The following BMAL1 variants were observed in gnomAD, a reference collection of about 807,000 sequenced individuals.
The protein encoded by BMAL1 is basic helix-loop-helix ARNT-like protein 1.
the BMAL1 span, among the ~76,000 whole-genome samples, chr11:13,335,865 A>AT: frequency 6.6e-6 from 1 of 152,134 alleles, no homozygotes; most frequent in Non-Finnish European, 1.5e-5. Flanking sequence ...TCTTCTTTGT[A>AT]TTACAGTTAG....
chr11:13,338,119 C>A, the BMAL1 span, among the ~76,000 whole-genome samples: 4 of 151,960 alleles, frequency 2.6e-5, no homozygotes, highest in African/African-American at 9.7e-5. Flanking sequence ...CTGTTCAGAC[C>A]CACAGACACA....
the BMAL1 span, among the ~76,000 whole-genome samples, chr11:13,366,312 C>T: frequency 3.9e-5 from 6 of 152,054 alleles, no homozygotes; most frequent in Admixed American, 6.6e-5. Flanking sequence ...ATATGATATG[C>T]GTGACTTGCT....
chr11:13,342,738 C>A, the BMAL1 span, among the ~76,000 whole-genome samples: 1 of 152,190 alleles, frequency 6.6e-6, no homozygotes, highest in Non-Finnish European at 1.5e-5. Context: ...TAAATCCCTG[C>A]ACCCTCTGGA....
At chr11:13,347,709 T>C in the BMAL1 span, among the ~76,000 whole-genome samples, 1 of 151,754 alleles carries the variant, frequency 6.6e-6, no homozygotes, top group Non-Finnish European at 1.5e-5. Flanking sequence ...AAGCCAGACA[T>C]GGTAGTGGTG....
the BMAL1 span, among the ~76,000 whole-genome samples, chr11:13,339,141 G>A: frequency 2.0e-5 from 3 of 152,232 alleles, no homozygotes; most frequent in Non-Finnish European, 4.4e-5. Flanking sequence ...TGGACTGGGA[G>A]TCACCCCCAT....
chr11:13,320,675 TAGAG>T, the BMAL1 span, among the ~76,000 whole-genome samples: 1 of 152,198 alleles, frequency 6.6e-6, no homozygotes, highest in African/African-American at 2.4e-5. Flanking sequence ...CTTCCTGCTG[TAGAG>T]AGAAAGTTCG....
At chr11:13,321,370 A>G in the BMAL1 span, among the ~76,000 whole-genome samples, 1 of 152,208 alleles carries the variant, frequency 6.6e-6, no homozygotes, top group Non-Finnish European at 1.5e-5. Flanking sequence ...AGTCCCCAGA[A>G]TGTCAGAGCA....
the BMAL1 span, among the ~76,000 whole-genome samples, chr11:13,346,280 A>G: frequency 6.6e-6 from 1 of 152,098 alleles, no homozygotes; most frequent in Non-Finnish European, 1.5e-5. Context: ...GAACCTTCCC[A>G]CTGGGTGGGA....
chr11:13,305,223 C>A, the BMAL1 span, among the ~76,000 whole-genome samples: 79 of 152,244 alleles, frequency 5.2e-4, 1 homozygote, highest in Admixed American at 5.2e-3. Flanking sequence ...AGATGCTGGG[C>A]CCCCGCTAGG....
the BMAL1 span, among the ~76,000 whole-genome samples, chr11:13,347,831 C>T: frequency 6.6e-6 from 1 of 152,286 alleles, no homozygotes; most frequent in Admixed American, 6.5e-5. Context: ...GCCTGGGCGA[C>T]AGAGCAAGAC....
At chr11:13,325,007 G>C in the BMAL1 span, among the ~76,000 whole-genome samples, 1 of 152,358 alleles carries the variant, frequency 6.6e-6, no homozygotes, top group Non-Finnish European at 1.5e-5. Context: ...TGTTGTGCTA[G>C]AGCTGTGGGG....
chr11:13,381,149 C>CT, the BMAL1 span: 29 of 1,613,682 alleles, frequency 1.8e-5, no homozygotes, highest in Non-Finnish European at 2.3e-5. Flanking sequence ...GTGTAATTCT[C>CT]TTTTCTGACA....
the BMAL1 span, among the ~76,000 whole-genome samples, chr11:13,305,509 C>T: frequency 6.6e-6 from 1 of 151,620 alleles, no homozygotes; most frequent in Non-Finnish European, 1.5e-5. Flanking sequence ...TTGTTTATTC[C>T]CCAGGATTTT....
At chr11:13,386,963 CATT>C in the BMAL1 span, 3 of 472,578 alleles carry the variant, frequency 6.3e-6, no homozygotes, top group African/African-American at 4.0e-5. Context: ...GTTTCCTCAT[CATT>C]GATTATTGGG....
the BMAL1 span, chr11:13,354,201 C>CCCCCCCCCACCAAAA: frequency 1.6e-6 from 1 of 616,122 alleles, no homozygotes; most frequent in South Asian, 2.0e-5. Flanking sequence ...CCCCCCCCGG[C>CCCCCCCCCACCAAAA]CCCCCACCAC....
the BMAL1 span, among the ~76,000 whole-genome samples, chr11:13,309,209 G>T: frequency 6.6e-6 from 1 of 152,160 alleles, no homozygotes; most frequent in Non-Finnish European, 1.5e-5. Flanking sequence ...TCAGTAGATG[G>T]AGGTAATGTG....
the BMAL1 span, chr11:13,369,770 A>G: frequency 1.6e-5 from 26 of 1,608,064 alleles, no homozygotes; most frequent in East Asian, 5.8e-4. Flanking sequence ...GAAAAAAGGT[A>G]ACAATTTAAC....
the BMAL1 span, among the ~76,000 whole-genome samples, chr11:13,363,840 T>A: frequency 1.3e-4 from 20 of 152,132 alleles, no homozygotes; most frequent in Non-Finnish European, 2.8e-4. Flanking sequence ...TCTCACAGCT[T>A]CTGCTCCTTA....
At chr11:13,351,843 T>TG in the BMAL1 span, among the ~76,000 whole-genome samples, 1 of 152,098 alleles carries the variant, frequency 6.6e-6, no homozygotes, top group African/African-American at 2.4e-5. Context: ...ATGGGAATGA[T>TG]GGGGAGAGAA....
Sources: gnomAD v4.1 joint callset for allele counts (sites outside exome capture counted in the v4.1 genomes callset) on GRCh38, gnomAD v4.1.1 for gene constraint, MANE v1.5 for transcripts, NCBI Gene and HGNC (gene_info 2026-07-23, HGNC 2026-07-21) for gene names.